Variants in ABCA9 observed in about 807,000 individuals in gnomAD.
ABCA9 encodes the protein ATP-binding cassette sub-family A member 9.
A neutral mutation model predicts 205.3 loss-of-function variants in ABCA9; 183 were observed. The ratio of observed to expected loss-of-function variants is 0.89; its 90% CI spans 0.79 to 1.01. ABCA9 has a LOEUF of 1.01. Ranked by LOEUF, ABCA9 falls within the 50% of genes least tolerant of loss-of-function variation. ABCA9 has a pLI of 0.00. For synonymous variants in ABCA9, 651 were observed against 683.3 expected (o/e 0.95, Z 0.74); for missense variants, 1,805 against 1,912.4 (o/e 0.94, Z 1.05).
chr17:69,047,059 G>A (rs967165767), intron 3 of ABCA9, among the ~76,000 whole-genome samples: 2 of 151,012 alleles, frequency 1.3e-5, no homozygotes. Flanking sequence ...CCTCCTGAGT[G>A]CAAGTGATTC....
Position 69,047,530 on chromosome 17 carries a change from A to T in ABCA9, c.304+1753T>A, listed in dbSNP as rs1011210742. ...CTATGATAACATTATCTGCAAGGCC[A>T]GGCAGGGGCCCCAGAGAAATGGATT... On this transcript the variant is annotated intron_variant, in intron 3 of 38. Transcript: ENST00000340001. Among the ~76,000 whole-genome samples, 7 of 152,200 alleles carry T rather than the reference A, an allele frequency of 4.6e-5. 1 individual carries two copies. The South Asian group carries it at 1.5e-3, about 32-fold the overall frequency.
At chr17:68,977,193 C>T (rs1256127935) in intron 37 of ABCA9, among the ~76,000 whole-genome samples, 1 of 151,918 alleles carries the variant, frequency 6.6e-6, no homozygotes, top group Non-Finnish European at 1.5e-5. Context: ...TCAGGAGCTG[C>T]CAGGTGGTCA....
At chr17:69,036,942 C>G (rs1460303019) in intron 6 of ABCA9, among the ~76,000 whole-genome samples, 1 of 117,818 alleles carries the variant, frequency 8.5e-6, no homozygotes, top group Non-Finnish European at 1.8e-5. Flanking sequence ...GACTTTAAAC[C>G]AACAAAGATT....
intron 26 of ABCA9, among the ~76,000 whole-genome samples, chr17:68,995,176 C>G (rs1382606763): frequency 6.6e-6 from 1 of 152,084 alleles, no homozygotes; most frequent in Non-Finnish European, 1.5e-5. Context: ...TTAATCACTC[C>G]CTCCTTCTTG....
intron 3 of ABCA9, 44 bp downstream of exon 3, chr17:69,049,239 C>A (rs2071819136): frequency 3.4e-6 from 5 of 1,488,128 alleles, no homozygotes; most frequent in Non-Finnish European, 4.6e-6. Context: ...GAATTTGTGC[C>A]TTTTGCAAAT....
In ABCA9 at chr17:68,975,856, T is replaced by C. The variant is rs1267628249; in HGVS notation, c.*59A>G. 1 of 1,315,600 alleles carries C rather than the reference T, an allele frequency of 7.6e-7. No homozygotes were observed. Among genetic ancestry groups the C allele is most frequent in the Non-Finnish European group, 1.1e-6 (1 of 932,946 alleles). 81.5% of individuals were successfully genotyped at this position (1,315,600 alleles called of 1,614,324 possible). On this transcript the variant is annotated 3_prime_UTR_variant, in exon 39 of 39. Coordinates refer to ENST00000340001, the MANE Select transcript of ABCA9 (RefSeq NM_080283.4). ...TCTGATATAAGGCATATTAAGGCTA[T>C]AAAATATTATCTTTAAAAGAGTCAC...
At chr17:69,008,007 C>T in intron 24 of ABCA9, 55 bp downstream of exon 24, 1 of 1,513,466 alleles carries the variant, frequency 6.6e-7, no homozygotes, top group Non-Finnish European at 9.1e-7. Context: ...AATGATATTA[C>T]TGCATTCATG....
In ABCA9 at chr17:68,983,829, T is replaced by C. The variant is rs1407990395; in HGVS notation, c.4520A>G (p.His1507Arg). Residue 1507 changes from histidine to arginine, a missense_variant, in exon 36 of 39, where the codon CAC becomes CGC. His to Arg is a conservative substitution (Grantham distance 29). Coordinates refer to ENST00000340001, the MANE Select transcript of ABCA9 (RefSeq NM_080283.4). Reference sequence around the variant, plus strand: ...GTCTTTGCCAAATTTGCTTTTCAGGTGTTGGATGGAACCAATACATCTGAA... The same window carrying C: ...GTCTTTGCCAAATTTGCTTTTCAGGCGTTGGATGGAACCAATACATCTGAA... ...GRLRCIGSIQHLKSKFGKDYL... is the reference protein window; with the variant it reads ...GRLRCIGSIQRLKSKFGKDYL... 6.2e-7 allele frequency: 1 copy of C among 1,614,182 alleles called. No individual in the cohort carries two copies. The highest frequency in any genetic ancestry group is 8.5e-7 in the Non-Finnish European group (1 of 1,180,032).
rs560810338 is a variant in ABCA9 at position 68,982,723 on chromosome 17, G to C, written c.4641-82C>G. The C allele has an allele frequency of 8.8e-6, 10 of 1,140,128 alleles. No individual in the cohort carries two copies. In the South Asian group the frequency reaches 1.3e-4, roughly 14 times the overall value. The allele number at this position is 1,140,128 out of a possible 1,614,324, so 70.6% of individuals were successfully genotyped here. On this transcript the variant is annotated intron_variant, in intron 36 of 38. Coordinates refer to ENST00000340001, the MANE Select transcript of ABCA9 (RefSeq NM_080283.4). ...GGTACAAGTCTAAAAAGGGAAACAAGGCTAGGCATGGTGGCCCATGCCTGT... is the reference window on the plus strand; with the variant it reads ...GGTACAAGTCTAAAAAGGGAAACAACGCTAGGCATGGTGGCCCATGCCTGT...
chr17:68,984,564 CT>C (rs1480845223), intron 34 of ABCA9, among the ~76,000 whole-genome samples: 1 of 152,082 alleles, frequency 6.6e-6, no homozygotes, highest in African/African-American at 2.4e-5. Flanking sequence ...TGGAATGTTT[CT>C]TTTTTTCCTC....
chr17:68,990,744 C>T lies in ABCA9; in HGVS notation c.3837+93G>A. The T allele has an allele frequency of 3.4e-6, 5 of 1,490,132 alleles. No individual in the cohort carries two copies. The South Asian group carries it at 6.1e-5, about 18-fold the overall frequency. 92.3% of individuals were successfully genotyped at this position (1,490,132 alleles called of 1,614,324 possible). On this transcript the variant is annotated intron_variant, in intron 29 of 38. Transcript: ENST00000340001. Reference sequence around the variant, plus strand: ...AGCTGTATGTGTAAGAATGAAAGAACCCCAAGTGTTTTTCGAAAACTAAAC... The same window carrying T: ...AGCTGTATGTGTAAGAATGAAAGAATCCCAAGTGTTTTTCGAAAACTAAAC...
At chr17:69,021,688 C>G in intron 18 of ABCA9, 54 bp downstream of exon 18, 2 of 1,158,214 alleles carry the variant, frequency 1.7e-6, no homozygotes, top group Admixed American at 2.3e-5. Flanking sequence ...GTCCTTCCTT[C>G]CTTCCTTCCT....
In ABCA9 at chr17:69,024,307, C is replaced by T; in HGVS notation, c.2188G>A (p.Val730Ile). ...TTGGCATCAGAGATGTGCTGCTTAA[C>T]CAGTGATGTTATACTCTCTGGATCA... is the stretch of plus-strand genomic sequence containing the variant. ...RCDPESITSL[V>I]KQHISDAKLT... The change falls in exon 17 of 39, where the codon GTT becomes ATT. Residue 730 changes from valine (V) to isoleucine (I), a missense_variant. Transcript: ENST00000340001. 6.2e-7 allele frequency: 1 copy of T among 1,612,628 alleles called. No homozygotes were observed. The highest frequency in any genetic ancestry group is 8.5e-7 in the Non-Finnish European group (1 of 1,179,148).
At position 69,018,457 on chromosome 17, in the gene ABCA9, T is replaced by G. The variant is rs1454055906; in HGVS notation, c.2723A>C (p.Gln908Pro). 6.2e-7 allele frequency: 1 copy of G among 1,605,666 alleles called. No homozygotes were observed. The highest frequency in any genetic ancestry group is 8.5e-7 in the Non-Finnish European group (1 of 1,177,162). The change falls in exon 20 of 39, where the codon CAA (glutamine) becomes CCA (proline). Residue 908 changes from glutamine (Q) to proline (P), a missense_variant. By Grantham distance (76) the Gln-to-Pro change is moderately conservative. Transcript: ENST00000340001. ...TAAATGGGTCAGAGGATCCTGTGGTTGTTGTCCTGGTGAGAGGAAGTATGT... is the reference window on the plus strand; with the variant it reads ...TAAATGGGTCAGAGGATCCTGTGGTGGTTGTCCTGGTGAGAGGAAGTATGT... The part of the protein sequence containing the change: ...PNTYFLSPGQ[Q>P]PQDPLTHLLV...
intron 9 of ABCA9, 71 bp from the exon 10 acceptor site, chr17:69,032,347 A>G (rs770469375): frequency 1.4e-6 from 2 of 1,427,496 alleles, no homozygotes; most frequent in East Asian, 2.3e-5. Context: ...ATATCAGTGC[A>G]GCCCCTTTGA....
chr17:69,020,353 C>T (rs1009062317), intron 19 of ABCA9, 35 bp downstream of exon 19: 2 of 1,546,810 alleles, frequency 1.3e-6, no homozygotes, highest in Non-Finnish European at 1.7e-6. Context: ...TTTTAGTTCA[C>T]AGACAAAACA....
At position 69,000,251 on chromosome 17, in the gene ABCA9, C is replaced by T. The variant is rs371029685; in HGVS notation, c.3436-4237G>A. Among the ~76,000 whole-genome samples the T allele has an allele frequency of 3.2e-3, 486 of 151,704 alleles. 3 individuals carry two copies. The highest frequency in any genetic ancestry group is 0.011 in the African/African-American group (434 of 41,314). ...CCTAGGTTTTCTTCTAGGGTTTTTA[C>T]GGTTTTAGGTCTAACGTTTAAGTCT... On this transcript the variant is annotated intron_variant, in intron 25 of 38. Transcript: ENST00000340001.
At chr17:69,050,353 C>CACGA (rs939679899) in intron 2 of ABCA9, among the ~76,000 whole-genome samples, 8 of 131,760 alleles carry the variant, frequency 6.1e-5, no homozygotes, top group Non-Finnish European at 1.2e-4. Flanking sequence ...AACACACACA[C>CACGA]ACACACACAC....
chr17:69,022,119 AT>A (rs1429410038), intron 17 of ABCA9: 1 of 171,620 alleles, frequency 5.8e-6, no homozygotes, highest in East Asian at 1.5e-4. Flanking sequence ...ATTTTAATAT[AT>A]TTTTTAAAAT....
Sources: allele counts gnomAD v4.1 joint callset (sites outside exome capture counted in the v4.1 genomes callset), GRCh38; gene constraint gnomAD v4.1.1; transcripts MANE v1.5; gene names NCBI Gene and HGNC (gene_info 2026-07-23, HGNC 2026-07-21).